CETP: variants seen among roughly 807,000 people sequenced by gnomAD.
CETP encodes cholesteryl ester transfer protein.
In CETP, 56 loss-of-function variants were observed where a neutral mutation model predicts 66.5. The observed-to-expected ratio is 0.84, with a 90% CI of 0.68 to 1.05. The LOEUF is 1.05. Among genes scored for constraint, CETP ranks in the 50% least tolerant of loss-of-function variants. The probability of loss-of-function intolerance (pLI) is 0.00; values close to 1 mark genes in which losing one functional copy is unlikely to be tolerated. For missense variants in CETP, 612 were observed against 609.6 expected (o/e 1.00, Z -0.04); for synonymous variants, 251 against 245.7 (o/e 1.02, Z -0.20).
Position 56,978,216 on chromosome 16 carries a change from C to T in CETP, c.1107C>T (p.Arg369=), listed in dbSNP as rs979523127. ...TGATGGTGAAATTCCTCTTTCCACGCCCAGACCAGCAACATTCTGTAGCTT... is the reference window on the plus strand; with the variant it reads ...TGATGGTGAAATTCCTCTTTCCACGTCCAGACCAGCAACATTCTGTAGCTT... ...SSVMVKFLFP[R]PDQQHSVAYT... The change falls in exon 11 of 16, where the codon CGC becomes CGT. Residue 369 remains arginine, a synonymous_variant. Transcript: ENST00000200676. 6.2e-7 allele frequency: 1 copy of T among 1,614,220 alleles called. No individual in the cohort carries two copies. The highest frequency in any genetic ancestry group is 2.2e-5 in the East Asian group (1 of 44,886).
intron 2 of CETP, among the ~76,000 whole-genome samples, chr16:56,963,827 T>G (rs1444600315): frequency 6.6e-6 from 1 of 151,274 alleles, no homozygotes; most frequent in Non-Finnish European, 1.5e-5. Flanking sequence ...CGTCACCACA[T>G]CCGCGTAATT....
intron 10 of CETP, among the ~76,000 whole-genome samples, chr16:56,976,675 A>T (rs1348367589): frequency 6.6e-6 from 1 of 151,554 alleles, no homozygotes; most frequent in Non-Finnish European, 1.5e-5. Context: ...TGATTGCCCC[A>T]TCCCTATTTT....
At chr16:56,971,714 G>A (rs1042173397) in intron 7 of CETP, among the ~76,000 whole-genome samples, 5 of 152,182 alleles carry the variant, frequency 3.3e-5, no homozygotes, top group African/African-American at 4.8e-5. Flanking sequence ...TCCATGTACT[G>A]TACTCTCCTA....
In CETP at chr16:56,969,997, C is replaced by T. The variant is rs991861534; in HGVS notation, c.523C>T (p.Arg175Ter). The change falls in exon 5 of 16, where the codon CGA becomes TGA. Residue 175 changes from arginine to a stop codon, truncating the protein, a stop_gained. Coordinates refer to ENST00000200676, the MANE Select transcript of CETP (RefSeq NM_000078.3). LOFTEE classifies it high-confidence loss of function. ...HKLLLHLQGE[R>*]EPGWIKQLFT... ...GCTGCTCCTGCATCTCCAAGGGGAG[C>T]GAGAGTAAGTACACCACCCTGTGGC... The T allele has an allele frequency of 1.3e-5, 21 of 1,613,272 alleles. No homozygotes were observed. Among genetic ancestry groups the T allele is most frequent in the Middle Eastern group, 1.6e-4 (1 of 6,084 alleles).
chr16:56,961,950 G>T lies in CETP; in HGVS notation c.-30G>T. The T allele has an allele frequency of 6.4e-7, 1 of 1,570,474 alleles. No homozygotes were observed. Among genetic ancestry groups the T allele is most frequent in the Non-Finnish European group, 8.8e-7 (1 of 1,141,384 alleles). On this transcript the variant is annotated 5_prime_UTR_variant, in exon 1 of 16. Transcript: ENST00000200676. ...ATACGGGCTCCAGGCTGAACGGCTC[G>T]GGCCACTTACACACCACTGCCTGAT...
At chr16:56,965,390 A>T (rs576906393) in intron 2 of CETP, among the ~76,000 whole-genome samples, 1 of 152,346 alleles carries the variant, frequency 6.6e-6, no homozygotes, top group African/African-American at 2.4e-5. Flanking sequence ...TCTAAAGCGA[A>T]TGGAATAAAA....
chr16:56,981,302 G>C, intron 12 of CETP, 77 bp downstream of exon 12: 2 of 1,219,870 alleles, frequency 1.6e-6, no homozygotes, highest in East Asian at 4.6e-5. Flanking sequence ...GGCACAGGGC[G>C]GGGTGTTGGT....
chr16:56,967,669 AAAC>A (rs59207181), intron 2 of CETP, among the ~76,000 whole-genome samples: 43,311 of 143,228 alleles, frequency 0.3, 7,138 homozygotes, highest in South Asian at 0.42. Flanking sequence ...AAAAAAAAAA[AAAC>A]AATGGTATGA....
At chr16:56,982,065 A>T (rs1481105820) in intron 13 of CETP, 100 bp from the exon 14 acceptor site, 6 of 1,120,380 alleles carry the variant, frequency 5.4e-6, no homozygotes, top group Non-Finnish European at 8.2e-6. Context: ...TTTTTCACGG[A>T]TGGGCATGAG....
intron 4 of CETP, 31 bp from the exon 5 acceptor site, chr16:56,969,883 T>C: frequency 6.2e-7 from 1 of 1,610,100 alleles, no homozygotes; most frequent in Non-Finnish European, 8.5e-7. Flanking sequence ...TAGCGGAGGC[T>C]GCCCTGAGGT....
chr16:56,973,397 G>A lies in CETP; in HGVS notation c.817G>A (p.Gly273Arg). The A allele has an allele frequency of 2.5e-6, 4 of 1,614,198 alleles. No individual in the cohort carries two copies. The highest frequency in any genetic ancestry group is 3.3e-5 in the Admixed American group (2 of 60,026). ...CCCCACCTTCTCGCCCACACTGCTG[G>A]GGGACTCCCGCATGCTGTACTTCTG... ...PLPTFSPTLL[G>R]DSRMLYFWFS... Residue 273 changes from glycine to arginine, a missense_variant, in exon 9 of 16, where the codon GGG becomes AGG. Physicochemically the swap from Gly to Arg is moderately radical, Grantham distance 125 (BLOSUM62 -2). Coordinates refer to ENST00000200676, the MANE Select transcript of CETP (RefSeq NM_000078.3).
intron 13 of CETP, 58 bp downstream of exon 13, chr16:56,981,738 G>C: frequency 6.4e-7 from 1 of 1,570,932 alleles, no homozygotes; most frequent in Non-Finnish European, 8.8e-7. Flanking sequence ...CTGCCTTAAA[G>C]AAAGCAGGCG....
intron 7 of CETP, 141 bp downstream of exon 7, chr16:56,971,522 G>A: frequency 1.2e-6 from 1 of 824,864 alleles, no homozygotes; most frequent in South Asian, 1.3e-5. Flanking sequence ...TTGATGATTA[G>A]TTATGAGCAT....
intron 7 of CETP, among the ~76,000 whole-genome samples, chr16:56,971,671 G>A (rs926564005): frequency 6.6e-6 from 1 of 152,172 alleles, no homozygotes; most frequent in African/African-American, 2.4e-5. Flanking sequence ...TAGGAAAAAA[G>A]ATAATTAGAT....
intron 1 of CETP, among the ~76,000 whole-genome samples, chr16:56,962,546 C>T (rs2056031578): frequency 6.6e-6 from 1 of 152,066 alleles, no homozygotes; most frequent in Non-Finnish European, 1.5e-5. Context: ...TGGCCAGCTC[C>T]CCTGCCCTCT....
At chr16:56,963,944 C>T (rs1316063905) in intron 2 of CETP, among the ~76,000 whole-genome samples, 2 of 151,890 alleles carry the variant, frequency 1.3e-5, no homozygotes, top group African/African-American at 4.8e-5. Flanking sequence ...GCTGGGGTTA[C>T]AGGCGTGAGC....
intron 10 of CETP, among the ~76,000 whole-genome samples, chr16:56,976,201 C>T (rs1030390817): frequency 1.3e-5 from 2 of 152,174 alleles, no homozygotes; most frequent in Admixed American, 6.5e-5. Flanking sequence ...CTGTAGCTCC[C>T]GGTGGGTCTC....
chr16:56,969,261 G>A (rs774954135), intron 2 of CETP, 125 bp from the exon 3 acceptor site: 6 of 1,238,544 alleles, frequency 4.8e-6, no homozygotes, highest in Non-Finnish European at 7.1e-6. Context: ...AGGTTCTGTG[G>A]ATTAGGAGGA....
chr16:56,980,213 A>G (rs1290050954), intron 11 of CETP, among the ~76,000 whole-genome samples: 1 of 152,194 alleles, frequency 6.6e-6, no homozygotes, highest in Non-Finnish European at 1.5e-5. Context: ...GATCCAGGAT[A>G]GCACATTGTA....
Sources: gnomAD v4.1 joint callset for allele counts (sites outside exome capture counted in the v4.1 genomes callset) on GRCh38, gnomAD v4.1.1 for gene constraint, MANE v1.5 for transcripts, NCBI Gene and HGNC (gene_info 2026-07-23, HGNC 2026-07-21) for gene names.